KIF11: variants seen among roughly 807,000 people sequenced by gnomAD.
The protein encoded by KIF11 is kinesin-like protein KIF11.
In KIF11, 9 loss-of-function variants were observed where a neutral mutation model predicts 121.0. The observed-to-expected ratio is 0.07, with a 90% CI of 0.04 to 0.13. The LOEUF is 0.13. Among genes scored for constraint, KIF11 ranks in the 10% least tolerant of loss-of-function variants. The pLI is 1.00. For missense variants in KIF11, 846 were observed against 1,217.5 expected (o/e 0.69, Z 4.54); for synonymous variants, 408 against 421.0 (o/e 0.97, Z 0.38).
At chr10:92,608,540 G>T (rs915952541) in intron 4 of KIF11, among the ~76,000 whole-genome samples, 2 of 151,850 alleles carry the variant, frequency 1.3e-5, no homozygotes, top group Non-Finnish European at 2.9e-5. Context: ...CCGGGTTCAA[G>T]TGATTCTCCT....
In KIF11 at chr10:92,651,532, T is replaced by C. The variant is rs1403235341; in HGVS notation, c.3039+1015T>C. On this transcript the variant is annotated intron_variant, in intron 21 of 21. Coordinates refer to ENST00000260731, the MANE Select transcript of KIF11 (RefSeq NM_004523.4). Reference sequence around the variant, plus strand: ...GTTTTTTTTTTTTTTTTTTTTTTTTTTTTTTTTTTTTTTTTTAGTAGAGGG... The same window carrying C: ...GTTTTTTTTTTTTTTTTTTTTTTTTCTTTTTTTTTTTTTTTTAGTAGAGGG... Among the ~76,000 whole-genome samples, 70 of 111,784 alleles carry C rather than the reference T, an allele frequency of 6.3e-4. 7 individuals carry two copies. In the East Asian group the frequency reaches 9.1e-3, roughly 15 times the overall value. 73.3% of individuals were successfully genotyped at this position (111,784 alleles called of 152,430 possible).
rs188179290 is a variant in KIF11, at chr10:92,631,967, G to A, written c.1495-519G>A. ...TGGGATTACAGGTGTAAGCCACCAC[G>A]TCCGGCCATTAGGTGTACTTCTGAG... On this transcript the variant is annotated intron_variant, in intron 12 of 21. Coordinates refer to ENST00000260731, the MANE Select transcript of KIF11 (RefSeq NM_004523.4). 3.0e-4 allele frequency among the ~76,000 whole-genome samples: 45 copies of A among 152,136 alleles called. No individual in the cohort carries two copies. In the East Asian group the frequency reaches 7.0e-3, roughly 24 times the overall value.
rs182427918 is a variant in KIF11 at position 92,607,111 on chromosome 10, A to G, written c.309-48A>G. 154 of 1,093,998 alleles carry G rather than the reference A, an allele frequency of 1.4e-4. 1 individual carries two copies. In the African/African-American group the frequency reaches 2.0e-3, roughly 14 times the overall value. 67.8% of individuals were successfully genotyped at this position (1,093,998 alleles called of 1,614,324 possible). On this transcript the variant is annotated intron_variant, in intron 3 of 21. Coordinates refer to ENST00000260731, the MANE Select transcript of KIF11 (RefSeq NM_004523.4). Reference sequence around the variant, plus strand: ...TTTTTCTAGTCTATCACTAAGAGTCATATGGGTGCATGTTTCTTTTTGATT... The same window carrying G: ...TTTTTCTAGTCTATCACTAAGAGTCGTATGGGTGCATGTTTCTTTTTGATT...
At chr10:92,617,340 T>C (rs773912166) in intron 9 of KIF11, among the ~76,000 whole-genome samples, 4 of 152,240 alleles carry the variant, frequency 2.6e-5, no homozygotes, top group African/African-American at 4.8e-5. Flanking sequence ...CTTTTGCATC[T>C]AGTTTCTTTT....
intron 8 of KIF11, among the ~76,000 whole-genome samples, chr10:92,614,634 G>C (rs142288862): frequency 6.6e-6 from 1 of 152,112 alleles, no homozygotes; most frequent in African/African-American, 2.4e-5. Flanking sequence ...GTGAATGCTC[G>C]CTAGTGTGGT....
At position 92,609,570 on chromosome 10, in the gene KIF11, G is replaced by T. The variant is rs1227933401; in HGVS notation, c.698+61G>T. 4 of 1,532,536 alleles carry T rather than the reference G, an allele frequency of 2.6e-6. No homozygotes were observed. The East Asian group carries it at 9.0e-5, about 35-fold the overall frequency. 94.9% of individuals were successfully genotyped at this position (1,532,536 alleles called of 1,614,324 possible). A position where few individuals can be genotyped will look rare whatever the true frequency, so the allele number is the denominator to read the frequency against. Reference sequence around the variant, plus strand: ...TCTTTTAAGAAGAATTAGGAACTTGGAGAAAGTCAAATTGGGGTGGGTCAG... The same window carrying T: ...TCTTTTAAGAAGAATTAGGAACTTGTAGAAAGTCAAATTGGGGTGGGTCAG... On this transcript the variant is annotated intron_variant, in intron 6 of 21. Transcript: ENST00000260731.
chr10:92,651,080 G>A (rs1844974324), intron 21 of KIF11, among the ~76,000 whole-genome samples: 1 of 151,982 alleles, frequency 6.6e-6, no homozygotes, highest in South Asian at 2.1e-4. Context: ...AGGCTGAAGT[G>A]GAGTGGCACG....
chr10:92,648,477 G>A (rs899286033), intron 19 of KIF11, 43 bp downstream of exon 19: 21 of 1,269,944 alleles, frequency 1.7e-5, no homozygotes, highest in Middle Eastern at 2.5e-4. Flanking sequence ...TTTTGAAGTC[G>A]AATTCAACTC....
chr10:92,637,103 G>A, intron 14 of KIF11, 81 bp from the exon 15 acceptor site: 1 of 926,522 alleles, frequency 1.1e-6, no homozygotes, highest in Non-Finnish European at 1.6e-6. Flanking sequence ...AGCTACCAAA[G>A]TATTTAAGAT....
In KIF11 at chr10:92,593,226, G is replaced by T. The variant is rs1289411420; in HGVS notation, c.-150G>T. On this transcript the variant is annotated 5_prime_UTR_variant, in exon 1 of 22. Transcript: ENST00000260731. ...GGCCAGAGTACCGGGTAGAGAGCGG[G>T]GACGCCGACCTGCGTGCGTCGGTCC... The T allele has an allele frequency of 7.4e-6, 5 of 676,974 alleles. No individual in the cohort carries two copies. The highest frequency in any genetic ancestry group is 1.8e-5 in the African/African-American group (1 of 54,480). The allele number at this position is 676,974 out of a possible 1,614,324, so 41.9% of individuals were successfully genotyped here.
At position 92,609,217 on chromosome 10, in the gene KIF11, T is replaced by C. The variant is rs1399318336; in HGVS notation, c.573+12T>C. ...ATCCCCGTAACAAGGTAATTCAGTC[T>C]TTGAGAATGAAATGTCTCTGAATTT... On this transcript the variant is annotated intron_variant, in intron 5 of 21. Coordinates refer to ENST00000260731, the MANE Select transcript of KIF11 (RefSeq NM_004523.4). 6.4e-7 allele frequency: 1 copy of C among 1,553,524 alleles called. No individual in the cohort carries two copies. The highest frequency in any genetic ancestry group is 1.4e-5 in the African/African-American group (1 of 72,408).
At chr10:92,597,100 C>T (rs1205872141) in intron 1 of KIF11, 1 of 314,646 alleles carries the variant, frequency 3.2e-6, no homozygotes, top group South Asian at 3.3e-5. Context: ...ATCTTTAGAC[C>T]TTTCTTCAGG....
intron 1 of KIF11, among the ~76,000 whole-genome samples, chr10:92,600,862 T>C (rs947264262): frequency 5.9e-5 from 9 of 152,064 alleles, no homozygotes; most frequent in African/African-American, 2.2e-4. Context: ...TCCTTTTCTT[T>C]CTTTTTTTCT....
chr10:92,628,835 A>G lies in KIF11; in HGVS notation c.1245A>G (p.Gln415=), dbSNP rs1364125031. Residue 415 remains glutamine (Q), a synonymous_variant, in exon 11 of 22, where the codon CAA becomes CAG. Transcript: ENST00000260731. ...TCATGAGTGGAAAATTAACTGTTCA[A>G]GAAGAGCAGATTGTAGAATTGATTG... ...FRVMSGKLTV[Q]EEQIVELIEK... 1 of 1,602,136 alleles carries G rather than the reference A, an allele frequency of 6.2e-7. No homozygotes were observed. The highest frequency in any genetic ancestry group is 1.3e-5 in the African/African-American group (1 of 74,710).
chr10:92,607,004 G>A (rs893194905), intron 3 of KIF11, among the ~76,000 whole-genome samples, 155 bp from the exon 4 acceptor site: 11 of 151,966 alleles, frequency 7.2e-5, no homozygotes, highest in Non-Finnish European at 1.2e-4. Context: ...CTCGAACTCC[G>A]GACCTCAGGT....
chr10:92,650,263 G>T, intron 20 of KIF11, 138 bp from the exon 21 acceptor site: 1 of 635,530 alleles, frequency 1.6e-6, no homozygotes, highest in South Asian at 2.1e-5. Context: ...TCATTAATTT[G>T]TAGACTTTCT....
At chr10:92,653,144 A>G (rs867535969) in intron 21 of KIF11, among the ~76,000 whole-genome samples, 1 of 152,372 alleles carries the variant, frequency 6.6e-6, no homozygotes, top group East Asian at 1.9e-4. Context: ...GCTTTTCTGC[A>G]TGACAGCAAA....
Position 92,607,162 on chromosome 10 carries a change from TG to T in KIF11, c.314del (p.Gly105AlafsTer31). The T allele has an allele frequency of 6.3e-7, 1 of 1,594,600 alleles. No homozygotes were observed. Among genetic ancestry groups the T allele is most frequent in the Non-Finnish European group, 8.6e-7 (1 of 1,162,554 alleles). ...MGYNCTIFAYGQTGTGKTFTM... is the reference protein window; with the variant it reads ...MGYNCTIFAYXQTGTGKTFTM... ...TAACACTTGTTAATCTTTACAGGTA[TG>T]GCCAAACTGGCACTGGAAAAACTTT... On this transcript the variant is annotated frameshift_variant, in exon 4 of 22. Transcript: ENST00000260731. LOFTEE classifies it high-confidence loss of function.
Position 92,616,852 on chromosome 10 carries a change from G to C in KIF11, c.1128+20G>C, listed in dbSNP as rs781066060. On this transcript the variant is annotated intron_variant, in intron 9 of 21. Coordinates refer to ENST00000260731, the MANE Select transcript of KIF11 (RefSeq NM_004523.4). ...ATTAAGGTAACTGTGAATTTTTGTA[G>C]AGTAATGTAATCTTGTTTGACAAAT... The C allele has an allele frequency of 7.8e-7, 1 of 1,286,582 alleles. No homozygotes were observed. Among genetic ancestry groups the C allele is most frequent in the East Asian group, 2.4e-5 (1 of 42,500 alleles). The allele number at this position is 1,286,582 out of a possible 1,614,324, so 79.7% of individuals were successfully genotyped here.
Sources: allele counts gnomAD v4.1 joint callset (sites outside exome capture counted in the v4.1 genomes callset), GRCh38; gene constraint gnomAD v4.1.1; transcripts MANE v1.5; gene names NCBI Gene and HGNC (gene_info 2026-07-23, HGNC 2026-07-21).